The following SHISA9 variants were observed in gnomAD, a reference collection of about 807,000 sequenced individuals.
SHISA9 encodes the protein protein shisa-9.
A neutral mutation model predicts 38.0 loss-of-function variants in SHISA9; 13 were observed. The observed-to-expected ratio is 0.34, with a 90% CI of 0.22 to 0.54. The LOEUF (loss-of-function observed/expected upper bound fraction) is 0.54. SHISA9 is among the 20% of genes least tolerant of loss of function. The pLI, the probability that SHISA9 is intolerant of heterozygous loss-of-function variation, is 0.91. For synonymous variants in SHISA9, 275 were observed against 242.0 expected (o/e 1.14, Z -1.27); for missense variants, 538 against 575.8 (o/e 0.93, Z 0.67).
chr16:13,489,524 G>A, the SHISA9 span, among the ~76,000 whole-genome samples: 131 of 152,292 alleles, frequency 8.6e-4, 1 homozygote, highest in East Asian at 0.015. Context: ...TCCAGTGGGA[G>A]ATAATTGAAT....
intron 2 of SHISA9, among the ~76,000 whole-genome samples, chr16:13,037,114 A>ACACACACG (rs1378457173): frequency 7.6e-5 from 8 of 105,572 alleles, no homozygotes; most frequent in African/African-American, 3.0e-4. Context: ...ACACAGACAC[A>ACACACACG]CACACACACA....
the SHISA9 span, among the ~76,000 whole-genome samples, chr16:13,406,983 G>T: frequency 6.8e-6 from 1 of 147,880 alleles, no homozygotes; most frequent in Non-Finnish European, 1.5e-5. Flanking sequence ...CAGAAGAATC[G>T]CTTGAATCTG....
intron 2 of SHISA9, among the ~76,000 whole-genome samples, chr16:12,943,657 A>C (rs1438434099): frequency 6.6e-6 from 1 of 152,098 alleles, no homozygotes; most frequent in Non-Finnish European, 1.5e-5. Context: ...TGAGCATCAG[A>C]TTGAGCTCTG....
the SHISA9 span, among the ~76,000 whole-genome samples, chr16:13,314,113 A>G: frequency 6.6e-6 from 1 of 152,190 alleles, no homozygotes; most frequent in Admixed American, 6.5e-5. Context: ...GTGATCTCCA[A>G]GCTTCCTTCT....
the SHISA9 span, among the ~76,000 whole-genome samples, chr16:13,419,310 C>T: frequency 2.0e-5 from 3 of 152,136 alleles, no homozygotes; most frequent in Non-Finnish European, 4.4e-5. Flanking sequence ...GAAAGAACAG[C>T]GGGCCTCCTG....
At chr16:13,247,087 C>T in the SHISA9 span, among the ~76,000 whole-genome samples, 21 of 151,872 alleles carry the variant, frequency 1.4e-4, no homozygotes, top group African/African-American at 4.4e-4. Context: ...ACAATCATGG[C>T]GGAAGGGGAA....
chr16:13,038,362 C>T (rs2073097813), intron 2 of SHISA9, among the ~76,000 whole-genome samples: 1 of 152,180 alleles, frequency 6.6e-6, no homozygotes, highest in African/African-American at 2.4e-5. Context: ...TTCAGAGCAG[C>T]TAGGATAACC....
chr16:13,415,313 C>T, the SHISA9 span, among the ~76,000 whole-genome samples: 3 of 152,138 alleles, frequency 2.0e-5, no homozygotes, highest in Non-Finnish European at 4.4e-5. Context: ...AGGCCATGAT[C>T]CTTAGCAAAC....
At chr16:13,440,638 G>T in the SHISA9 span, among the ~76,000 whole-genome samples, 1 of 152,184 alleles carries the variant, frequency 6.6e-6, no homozygotes, top group Admixed American at 6.5e-5. Context: ...TTAAAAAAGG[G>T]ACATTGGTGG....
chr16:13,389,644 T>C, the SHISA9 span, among the ~76,000 whole-genome samples: 1 of 152,160 alleles, frequency 6.6e-6, no homozygotes, highest in Admixed American at 6.6e-5. Context: ...AATCAGCAGG[T>C]GGCAGCATTC....
At chr16:13,481,615 G>A in the SHISA9 span, among the ~76,000 whole-genome samples, 1 of 152,154 alleles carries the variant, frequency 6.6e-6, no homozygotes, top group Non-Finnish European at 1.5e-5. Context: ...CCAGTCTTAT[G>A]TCTACCACTG....
At chr16:13,416,748 AAGG>A in the SHISA9 span, among the ~76,000 whole-genome samples, 23,369 of 89,482 alleles carry the variant, frequency 0.26, 2,692 homozygotes, top group South Asian at 0.44. Flanking sequence ...GAAAGAAAGG[AAGG>A]AAGGAAGGAA....
chr16:13,530,142 T>C, the SHISA9 span, among the ~76,000 whole-genome samples: 2 of 151,950 alleles, frequency 1.3e-5, no homozygotes, highest in Non-Finnish European at 2.9e-5. Flanking sequence ...GTACTAAAAA[T>C]ACAAAAAAAT....
chr16:13,497,684 C>CT, the SHISA9 span, among the ~76,000 whole-genome samples: 6 of 84,870 alleles, frequency 7.1e-5, no homozygotes, highest in Admixed American at 7.2e-4. Flanking sequence ...CACTCCGTCT[C>CT]CAAAAAAAAA....
chr16:13,035,091 C>A (rs188672772), intron 2 of SHISA9, among the ~76,000 whole-genome samples: 3 of 152,248 alleles, frequency 2.0e-5, no homozygotes, highest in Admixed American at 6.5e-5. Context: ...CCACTTAAAT[C>A]TGATATTGAT....
At chr16:13,362,921 C>G in the SHISA9 span, among the ~76,000 whole-genome samples, 1 of 152,176 alleles carries the variant, frequency 6.6e-6, no homozygotes, top group Admixed American at 6.5e-5. Flanking sequence ...AAAAACAGTT[C>G]CCACATATAA....
chr16:13,483,321 C>T, the SHISA9 span, among the ~76,000 whole-genome samples: 3 of 152,164 alleles, frequency 2.0e-5, no homozygotes, highest in Non-Finnish European at 4.4e-5. Context: ...GAGATACTGG[C>T]ATGCACCCCC....
the SHISA9 span, among the ~76,000 whole-genome samples, chr16:13,348,149 C>G: frequency 1.3e-5 from 2 of 152,132 alleles, no homozygotes; most frequent in African/African-American, 4.8e-5. Context: ...AACGTTAAGA[C>G]AGGTTTAGTA....
the SHISA9 span, among the ~76,000 whole-genome samples, chr16:13,357,795 G>A: frequency 2.6e-5 from 4 of 151,588 alleles, no homozygotes; most frequent in South Asian, 8.5e-4. Flanking sequence ...TGCTCAGTGG[G>A]CAGGAGTGGG....
Sources: gnomAD v4.1 joint callset for allele counts (sites outside exome capture counted in the v4.1 genomes callset) on GRCh38, gnomAD v4.1.1 for gene constraint, MANE v1.5 for transcripts, NCBI Gene and HGNC (gene_info 2026-07-23, HGNC 2026-07-21) for gene names.